Variants in EYA1 observed in about 807,000 individuals in gnomAD.
EYA1 encodes EYA transcriptional coactivator and phosphatase 1.
In EYA1, 16 loss-of-function variants were observed where a neutral mutation model predicts 82.0. The ratio of observed to expected loss-of-function variants is 0.20; its 90% CI spans 0.13 to 0.30. EYA1 has a LOEUF of 0.30. EYA1 is among the 10% of genes least tolerant of loss of function. The pLI is 1.00. For missense variants in EYA1, 633 were observed against 730.7 expected (o/e 0.87, Z 1.54); for synonymous variants, 261 against 264.4 (o/e 0.99, Z 0.12).
intron 2 of EYA1, among the ~76,000 whole-genome samples, chr8:71,462,300 G>T (rs1369798317): frequency 1.3e-5 from 2 of 152,168 alleles, no homozygotes; most frequent in Non-Finnish European, 1.5e-5. Context: ...AGCCAAGGTG[G>T]CAGGGGACTG....
intron 2 of EYA1, among the ~76,000 whole-genome samples, chr8:71,511,263 C>T (rs1393134202): frequency 1.3e-5 from 2 of 152,100 alleles, no homozygotes; most frequent in Non-Finnish European, 2.9e-5. Context: ...TTCTGAGTAC[C>T]TGTTACATTT....
intron 12 of EYA1, among the ~76,000 whole-genome samples, chr8:71,233,765 G>T (rs922587054): frequency 1.3e-5 from 2 of 152,068 alleles, no homozygotes; most frequent in Admixed American, 6.5e-5. Context: ...TGTTTTAATT[G>T]TTAAGATTGA....
At chr8:71,544,582 C>T (rs1815404997) in intron 1 of EYA1, among the ~76,000 whole-genome samples, 1 of 152,292 alleles carries the variant, frequency 6.6e-6, no homozygotes, top group Non-Finnish European at 1.5e-5. Context: ...TTTCAACATC[C>T]TCCTATACAA....
At chr8:71,501,322 A>G (rs886333519) in intron 2 of EYA1, among the ~76,000 whole-genome samples, 9 of 152,356 alleles carry the variant, frequency 5.9e-5, no homozygotes, top group African/African-American at 2.2e-4. Context: ...TGCCCAGATG[A>G]TGAAAAAGCA....
Position 71,211,274 on chromosome 8 carries a change from A to G in EYA1, c.1598-18T>C. On this transcript the variant is annotated intron_variant, in intron 16 of 17. Coordinates refer to ENST00000340726, the MANE Select transcript of EYA1 (RefSeq NM_000503.6). ...TTCTTTTCCTAGTGAACAAAAATAA[A>G]TGATAGAAAATGTGAAGTTTGGGTA... The G allele has an allele frequency of 6.6e-7, 1 of 1,514,746 alleles. No individual in the cohort carries two copies. Among genetic ancestry groups the G allele is most frequent in the Non-Finnish European group, 9.2e-7 (1 of 1,090,520 alleles). 93.8% of individuals were successfully genotyped at this position (1,514,746 alleles called of 1,614,324 possible).
At chr8:71,332,048 T>G (rs1823940188) in intron 4 of EYA1, among the ~76,000 whole-genome samples, 1 of 152,014 alleles carries the variant, frequency 6.6e-6, no homozygotes, top group Admixed American at 6.6e-5. Flanking sequence ...GAGACAGGTC[T>G]CCCTGTGTTG....
intron 6 of EYA1, among the ~76,000 whole-genome samples, chr8:71,321,122 A>G (rs1822489277): frequency 6.6e-6 from 1 of 152,206 alleles, no homozygotes; most frequent in Admixed American, 6.5e-5. Flanking sequence ...GTATTGACCC[A>G]TAAAAAGTGA....
intron 2 of EYA1, among the ~76,000 whole-genome samples, chr8:71,419,065 C>A (rs1216616642): frequency 6.6e-6 from 1 of 152,134 alleles, no homozygotes; most frequent in Non-Finnish European, 1.5e-5. Flanking sequence ...GTTAGAGAAT[C>A]AGAATATGCA....
chr8:71,244,573 C>T (rs763378169), intron 12 of EYA1, 30 bp downstream of exon 12: 6 of 1,165,280 alleles, frequency 5.1e-6, no homozygotes, highest in Non-Finnish European at 7.6e-6. Context: ...TTCAGACATG[C>T]AAAAATATGT....
At chr8:71,427,958 G>A (rs1472750025) in intron 2 of EYA1, among the ~76,000 whole-genome samples, 1 of 147,056 alleles carries the variant, frequency 6.8e-6, no homozygotes, top group Non-Finnish European at 1.5e-5. Flanking sequence ...AAGCCTGGGG[G>A]ACAGAGAGAG....
chr8:71,479,623 GAA>G (rs34377404), intron 2 of EYA1, among the ~76,000 whole-genome samples: 37,332 of 99,636 alleles, frequency 0.37, 5,448 homozygotes, highest in South Asian at 0.46. Flanking sequence ...CTTTCTTTAT[GAA>G]AAAAAAAAAA....
At chr8:71,291,627 T>C (rs1224893478) in intron 9 of EYA1, among the ~76,000 whole-genome samples, 3 of 152,242 alleles carry the variant, frequency 2.0e-5, no homozygotes, top group Non-Finnish European at 1.5e-5. Flanking sequence ...TCGTTCACCA[T>C]TCACTTTTAT....
chr8:71,384,271 T>C (rs1240742181), intron 2 of EYA1, among the ~76,000 whole-genome samples: 2 of 152,240 alleles, frequency 1.3e-5, no homozygotes, highest in Non-Finnish European at 2.9e-5. Context: ...AGAAGGTTAT[T>C]TGAAGAGCTT....
intron 2 of EYA1, among the ~76,000 whole-genome samples, chr8:71,420,216 A>G (rs1398218895): frequency 6.6e-6 from 1 of 152,206 alleles, no homozygotes; most frequent in African/African-American, 2.4e-5. Flanking sequence ...GAAAGATGCT[A>G]ATGTTGCTAT....
At chr8:71,526,109 C>T (rs1471144034) in intron 2 of EYA1, among the ~76,000 whole-genome samples, 1 of 151,924 alleles carries the variant, frequency 6.6e-6, no homozygotes, top group East Asian at 1.9e-4. Flanking sequence ...GATTCTGTTT[C>T]AGAGGAGCAG....
At chr8:71,261,000 G>A (rs534348932) in intron 11 of EYA1, among the ~76,000 whole-genome samples, 3 of 152,126 alleles carry the variant, frequency 2.0e-5, no homozygotes, top group Admixed American at 2.0e-4. Context: ...CTTTTGTTTT[G>A]GGGGAAAATA....
At chr8:71,273,547 A>C (rs1482130532) in intron 9 of EYA1, among the ~76,000 whole-genome samples, 1 of 152,232 alleles carries the variant, frequency 6.6e-6, no homozygotes, top group African/African-American at 2.4e-5. Flanking sequence ...TAGAATTTTA[A>C]GTAGTCAAGT....
chr8:71,348,526 C>T (rs1337878841), intron 3 of EYA1, among the ~76,000 whole-genome samples: 1 of 152,240 alleles, frequency 6.6e-6, no homozygotes. Flanking sequence ...CTGTCTACAT[C>T]TAGACCTTAG....
intron 9 of EYA1, among the ~76,000 whole-genome samples, chr8:71,288,368 A>G (rs1307335850): frequency 6.6e-6 from 1 of 152,182 alleles, no homozygotes; most frequent in Non-Finnish European, 1.5e-5. Context: ...CTACCCAGGG[A>G]AGTATGGGAA....
Sources: allele counts gnomAD v4.1 joint callset (sites outside exome capture counted in the v4.1 genomes callset), GRCh38; gene constraint gnomAD v4.1.1; transcripts MANE v1.5; gene names NCBI Gene and HGNC (gene_info 2026-07-23, HGNC 2026-07-21).